Variants in KHDC4 observed in about 807,000 individuals in gnomAD.
The protein encoded by KHDC4 is KH domain containing 4, pre-mRNA splicing factor, also known as KH homology domain-containing protein 4.
In KHDC4, 19 loss-of-function variants were observed where a neutral mutation model predicts 74.5. The observed-to-expected ratio is 0.26, with a 90% CI of 0.18 to 0.37. The LOEUF (loss-of-function observed/expected upper bound fraction) is 0.37. Ranked by LOEUF, KHDC4 falls within the 10% of genes least tolerant of loss-of-function variation. The pLI is 1.00. For missense variants in KHDC4, 632 were observed against 754.1 expected, an observed-to-expected ratio of 0.84 and a Z score of 1.90; for synonymous variants, 253 against 266.1, an observed-to-expected ratio of 0.95 and a Z score of 0.48.
intron 4 of KHDC4, among the ~76,000 whole-genome samples, chr1:155,928,074 T>C (rs1674057822): frequency 6.6e-6 from 1 of 151,940 alleles, no homozygotes; most frequent in African/African-American, 2.4e-5. Context: ...ATATAGAAAG[T>C]TTAAATACAT....
rs116935123 is a variant in KHDC4 at position 155,926,723 on chromosome 1, C to T, written c.634G>A (p.Ala212Thr). 3.3e-4 allele frequency: 538 copies of T among 1,614,118 alleles called. 1 individual carries two copies. In the East Asian group the frequency reaches 9.2e-3, roughly 27 times the overall value. ...VTVYHQPAPIAQLSPAVSQKP... is the reference protein window; with the variant it reads ...VTVYHQPAPITQLSPAVSQKP... ...TGGCTAACAGCTGGAGACAACTGAG[C>T]GATGGGTGCTGGCTGGTGATAGACA... Residue 212 changes from alanine (A) to threonine (T), a missense_variant, in exon 6 of 14, where the codon GCT becomes ACT. Physicochemically the swap from Ala to Thr is moderately conservative, Grantham distance 58. Coordinates refer to ENST00000368321, the MANE Select transcript of KHDC4 (RefSeq NM_014949.4).
chr1:155,932,005 T>C (rs374963341), intron 2 of KHDC4, among the ~76,000 whole-genome samples: 4 of 152,240 alleles, frequency 2.6e-5, no homozygotes, highest in East Asian at 3.8e-4. Context: ...TCTTGAGCAC[T>C]TGGCAGGTGG....
chr1:155,920,478 A>G (rs1284669176), intron 10 of KHDC4, among the ~76,000 whole-genome samples: 1 of 152,194 alleles, frequency 6.6e-6, no homozygotes, highest in African/African-American at 2.4e-5. Context: ...TAAGTTATAA[A>G]AGAAACATAC....
intron 7 of KHDC4, among the ~76,000 whole-genome samples, chr1:155,925,245 ATGG>A (rs1673963111): frequency 6.6e-6 from 1 of 151,108 alleles, no homozygotes; most frequent in Admixed American, 6.6e-5. Flanking sequence ...GTTAGCCAGG[ATGG>A]TCTCGATCTC....
intron 7 of KHDC4, among the ~76,000 whole-genome samples, chr1:155,925,029 ATTT>A (rs34219961): frequency 7.2e-6 from 1 of 138,012 alleles, no homozygotes. Context: ...CACCTGGCTA[ATTT>A]TTTTTTTTTT....
chr1:155,930,550 T>C (rs549253638), intron 2 of KHDC4, among the ~76,000 whole-genome samples: 1 of 152,270 alleles, frequency 6.6e-6, no homozygotes, highest in South Asian at 2.1e-4. Context: ...TGGCTGTACA[T>C]GGAGTAAAAC....
chr1:155,926,603 C>T (rs1306385511), intron 6 of KHDC4, 73 bp downstream of exon 6: 1 of 1,499,602 alleles, frequency 6.7e-7, no homozygotes, highest in Non-Finnish European at 9.3e-7. Context: ...AGGAATGAGC[C>T]ACTGTGCCTG....
At chr1:155,928,949 C>G (rs1205689377) in intron 4 of KHDC4, among the ~76,000 whole-genome samples, 2 of 114,074 alleles carry the variant, frequency 1.8e-5, no homozygotes, top group Non-Finnish European at 3.5e-5. Context: ...AAGACTCCAT[C>G]TCAAAAAAAA....
In KHDC4 at chr1:155,921,411, C is replaced by T. The variant is rs766194829; in HGVS notation, c.1230G>A (p.Pro410=). ...TGVPPVPTQY[P]ITQVQPPAST... ...TAGCTGGAGGCTGCACTTGTGTTAT[C>T]GGGTATTGTGTTGGCACAGGTGGGA... Residue 410 remains proline (P), a synonymous_variant, in exon 10 of 14, where the codon CCG becomes CCA. Transcript: ENST00000368321. 9.9e-6 allele frequency: 16 copies of T among 1,614,066 alleles called. No individual in the cohort carries two copies. The highest frequency in any genetic ancestry group is 5.0e-5 in the Admixed American group (3 of 59,998).
intron 4 of KHDC4, among the ~76,000 whole-genome samples, chr1:155,927,874 A>ACACACAC (rs1557970777): frequency 5.9e-5 from 4 of 68,060 alleles, no homozygotes; most frequent in Non-Finnish European, 8.7e-5. Context: ...ACACACACAC[A>ACACACAC]AAATTAATGG....
intron 10 of KHDC4, among the ~76,000 whole-genome samples, chr1:155,918,364 G>A (rs1673779281): frequency 6.6e-6 from 1 of 152,018 alleles, no homozygotes; most frequent in South Asian, 2.1e-4. Context: ...TCAGCCTGCC[G>A]AGGGACTACA....
intron 4 of KHDC4, among the ~76,000 whole-genome samples, chr1:155,927,373 G>A (rs1217127416): frequency 6.6e-6 from 1 of 152,168 alleles, no homozygotes; most frequent in Non-Finnish European, 1.5e-5. Flanking sequence ...CTGGCCCACA[G>A]AGTTCAGATC....
intron 12 of KHDC4, among the ~76,000 whole-genome samples, chr1:155,916,376 A>T (rs773060493): frequency 3.3e-5 from 5 of 152,248 alleles, no homozygotes; most frequent in Admixed American, 6.5e-5. Context: ...CAAGATGCAG[A>T]CAATGGAAGT....
intron 7 of KHDC4, among the ~76,000 whole-genome samples, chr1:155,924,334 G>A (rs1320126323): frequency 2.0e-5 from 3 of 151,024 alleles, no homozygotes; most frequent in Non-Finnish European, 3.0e-5. Context: ...CTCAGCCCCC[G>A]AGTTGCTGGC....
chr1:155,930,084 C>T (rs1167336563), intron 2 of KHDC4, among the ~76,000 whole-genome samples: 6 of 151,958 alleles, frequency 3.9e-5, no homozygotes, highest in African/African-American at 9.7e-5. Flanking sequence ...AGCTAATTTT[C>T]GGATTTTTAG....
At position 155,914,031 on chromosome 1, in the gene KHDC4, C is replaced by G; in HGVS notation, c.*90G>C. 8.6e-7 allele frequency: 1 copy of G among 1,159,202 alleles called. No individual in the cohort carries two copies. The highest frequency in any genetic ancestry group is 1.3e-5 in the South Asian group (1 of 78,254). The allele number at this position is 1,159,202 out of a possible 1,614,324, so 71.8% of individuals were successfully genotyped here. A position where few individuals can be genotyped will look rare whatever the true frequency, so the allele number is the denominator to read the frequency against. Reference sequence around the variant, plus strand: ...ACTTCTGCAAAGGTCCAGATGGTTCCCAGCACAGGCCCCAGAGTCTTGTTA... The same window carrying G: ...ACTTCTGCAAAGGTCCAGATGGTTCGCAGCACAGGCCCCAGAGTCTTGTTA... On this transcript the variant is annotated 3_prime_UTR_variant, in exon 14 of 14. Transcript: ENST00000368321.
At chr1:155,924,395 G>C (rs539545299) in intron 7 of KHDC4, among the ~76,000 whole-genome samples, 108 of 151,696 alleles carry the variant, frequency 7.1e-4, no homozygotes, top group Non-Finnish European at 1.3e-3. Flanking sequence ...TTTATTTTTA[G>C]TAGAAACGGG....
intron 7 of KHDC4, 128 bp downstream of exon 7, chr1:155,925,504 C>T (rs1673970211): frequency 2.7e-6 from 2 of 734,310 alleles, no homozygotes; most frequent in East Asian, 2.5e-5. Context: ...GTAATTACTC[C>T]TAGCATTTAT....
Position 155,933,754 on chromosome 1 carries a change from G to A in KHDC4, c.134C>T (p.Pro45Leu). The A allele has an allele frequency of 6.2e-7, 1 of 1,604,964 alleles. No individual in the cohort carries two copies. The highest frequency in any genetic ancestry group is 8.5e-7 in the Non-Finnish European group (1 of 1,175,006). ...TGAAGGAGCAGCTGTGGTGCCCCCAGGACTTCCCCCACTGCTGGTGACCTC... is the reference window on the plus strand; with the variant it reads ...TGAAGGAGCAGCTGTGGTGCCCCCAAGACTTCCCCCACTGCTGGTGACCTC... ...GGEVTSSGGS[P>L]GGTTAAPSGA... The change falls in exon 2 of 14, where the codon CCT (proline) becomes CTT (leucine). Residue 45 changes from proline to leucine, a missense_variant. Pro to Leu is a moderately conservative substitution (Grantham distance 98). Transcript: ENST00000368321.
Sources: gnomAD v4.1 joint callset for allele counts (sites outside exome capture counted in the v4.1 genomes callset) on GRCh38, gnomAD v4.1.1 for gene constraint, MANE v1.5 for transcripts, NCBI Gene and HGNC (gene_info 2026-07-23, HGNC 2026-07-21) for gene names.